Variants in HTR1F observed in about 807,000 individuals in gnomAD.
The protein encoded by HTR1F is 5-hydroxytryptamine (serotonin) receptor 1F, G protein-coupled.
HTR1F carries 17 observed loss-of-function variants against 24.0 expected under a neutral mutation model. The observed-to-expected ratio is 0.71, with a 90% CI of 0.48 to 1.06. HTR1F has a LOEUF of 1.06. HTR1F is among the 50% of genes least tolerant of loss of function. The pLI is 0.00. For missense variants in HTR1F, 391 were observed against 427.8 expected, an observed-to-expected ratio of 0.91 and a Z score of 0.76; for synonymous variants, 186 against 156.8, an observed-to-expected ratio of 1.19 and a Z score of -1.39.
chr3:87,853,906 G>A (rs1705145353), intron 2 of HTR1F, among the ~76,000 whole-genome samples: 1 of 151,708 alleles, frequency 6.6e-6, no homozygotes, highest in Non-Finnish European at 1.5e-5. Flanking sequence ...TTTTTAATGG[G>A]GTTATTTATT....
chr3:87,825,230 G>T (rs1301211557), intron 2 of HTR1F, among the ~76,000 whole-genome samples: 1 of 152,136 alleles, frequency 6.6e-6, no homozygotes, highest in Non-Finnish European at 1.5e-5. Context: ...ACTCACAGTT[G>T]TGTATGATAT....
At chr3:87,860,732 G>A (rs17025082) in intron 2 of HTR1F, among the ~76,000 whole-genome samples, 18,054 of 152,044 alleles carry the variant, frequency 0.12, 1,350 homozygotes, top group African/African-American at 0.21. Flanking sequence ...CTTGCATAAG[G>A]ACATGGCATA....
At chr3:87,953,931 A>T (rs1239994323) in intron 2 of HTR1F, among the ~76,000 whole-genome samples, 6 of 151,864 alleles carry the variant, frequency 4.0e-5, no homozygotes, top group Non-Finnish European at 8.9e-5. Flanking sequence ...AATAAGACAG[A>T]CATAGAAAGA....
chr3:87,819,971 T>TAAG (rs1704323927), intron 1 of HTR1F, among the ~76,000 whole-genome samples: 1 of 152,108 alleles, frequency 6.6e-6, no homozygotes, highest in Non-Finnish European at 1.5e-5. Flanking sequence ...ATGCTATATA[T>TAAG]AAGTTAATTC....
intron 1 of HTR1F, among the ~76,000 whole-genome samples, chr3:87,815,353 C>A (rs1309558661): frequency 2.0e-5 from 3 of 151,898 alleles, no homozygotes; most frequent in Non-Finnish European, 2.9e-5. Flanking sequence ...AAAAGGTAAG[C>A]AGCTTAATAT....
intron 2 of HTR1F, among the ~76,000 whole-genome samples, chr3:87,969,744 C>G (rs1394106760): frequency 6.6e-6 from 1 of 152,112 alleles, no homozygotes; most frequent in African/African-American, 2.4e-5. Flanking sequence ...AATGTGAGGA[C>G]ATGAGATTGG....
chr3:87,825,025 A>G (rs1316959399), intron 2 of HTR1F, among the ~76,000 whole-genome samples: 1 of 152,226 alleles, frequency 6.6e-6, no homozygotes, highest in Non-Finnish European at 1.5e-5. Context: ...TGATTATAAG[A>G]AGTATTATTA....
chr3:87,930,008 T>A (rs974042679), intron 2 of HTR1F, among the ~76,000 whole-genome samples: 2 of 152,152 alleles, frequency 1.3e-5, no homozygotes, highest in African/African-American at 4.8e-5. Flanking sequence ...CTTGCAGAGA[T>A]CTTTCACCTC....
intron 2 of HTR1F, among the ~76,000 whole-genome samples, chr3:87,939,381 G>A (rs1704506197): frequency 6.6e-6 from 1 of 152,156 alleles, no homozygotes; most frequent in South Asian, 2.1e-4. Flanking sequence ...GGACGATGCT[G>A]GCCTCATAAA....
intron 1 of HTR1F, among the ~76,000 whole-genome samples, chr3:87,817,600 T>C (rs1704274153): frequency 6.6e-6 from 1 of 152,168 alleles, no homozygotes; most frequent in Non-Finnish European, 1.5e-5. Context: ...TGTCGTTGTT[T>C]TGAATATGAA....
chr3:87,863,983 C>T (rs1200085189), intron 2 of HTR1F, among the ~76,000 whole-genome samples: 1 of 152,206 alleles, frequency 6.6e-6, no homozygotes. Context: ...AAGCTGCCCA[C>T]ATTCCTTGAC....
chr3:87,936,413 T>A (rs1704416392), intron 2 of HTR1F, among the ~76,000 whole-genome samples: 2 of 152,312 alleles, frequency 1.3e-5, no homozygotes, highest in East Asian at 1.9e-4. Context: ...GCCACTTGAG[T>A]CTCCACGACT....
chr3:87,903,740 A>G (rs1272149431), intron 2 of HTR1F, among the ~76,000 whole-genome samples: 2 of 152,278 alleles, frequency 1.3e-5, no homozygotes, highest in Admixed American at 1.3e-4. Context: ...ATCTAGAACT[A>G]GAAATACCAT....
intron 2 of HTR1F, among the ~76,000 whole-genome samples, chr3:87,920,640 CAT>C (rs776267956): frequency 6.6e-6 from 1 of 151,956 alleles, no homozygotes; most frequent in East Asian, 1.9e-4. Context: ...AACCAAATAT[CAT>C]ATGTTCTCAC....
intron 2 of HTR1F, among the ~76,000 whole-genome samples, chr3:87,952,030 T>C (rs78043537): frequency 0.018 from 2,690 of 152,182 alleles, 86 homozygotes; most frequent in African/African-American, 0.06. Flanking sequence ...TGAATAATTG[T>C]CCATTGTCTG....
At chr3:87,922,602 C>T (rs1331697466) in intron 2 of HTR1F, among the ~76,000 whole-genome samples, 1 of 151,866 alleles carries the variant, frequency 6.6e-6, no homozygotes, top group Non-Finnish European at 1.5e-5. Flanking sequence ...TTGCCCAGGC[C>T]AATGTCCTGC....
chr3:87,954,321 A>T (rs1469417778), intron 2 of HTR1F, among the ~76,000 whole-genome samples: 1 of 151,784 alleles, frequency 6.6e-6, no homozygotes, highest in East Asian at 1.9e-4. Context: ...ATATGTGTAA[A>T]TATTATGTAT....
chr3:87,921,394 A>T (rs1704009223), intron 2 of HTR1F, among the ~76,000 whole-genome samples: 1 of 151,984 alleles, frequency 6.6e-6, no homozygotes, highest in African/African-American at 2.4e-5. Context: ...GTGCAAGGCA[A>T]GTTCCAGAAT....
intron 2 of HTR1F, among the ~76,000 whole-genome samples, chr3:87,974,277 GAT>G (rs563627823): frequency 6.4e-4 from 97 of 152,268 alleles, no homozygotes; most frequent in South Asian, 1.0e-3. Context: ...AGCTTCTGCT[GAT>G]ATCTCAGCAG....
Sources: gnomAD v4.1 joint callset for allele counts (sites outside exome capture counted in the v4.1 genomes callset) on GRCh38, gnomAD v4.1.1 for gene constraint, MANE v1.5 for transcripts, NCBI Gene and HGNC (gene_info 2026-07-23, HGNC 2026-07-21) for gene names.